The following DPP10 variants were observed in gnomAD, a reference collection of about 807,000 sequenced individuals.
DPP10 encodes inactive dipeptidyl peptidase 10.
A neutral mutation model predicts 120.9 loss-of-function variants in DPP10; 33 were observed. The observed-to-expected ratio is 0.27, with a 90% CI of 0.21 to 0.37. The LOEUF (loss-of-function observed/expected upper bound fraction) is 0.37, where lower values mean the gene tolerates loss of function less well. DPP10 is among the 10% of genes least tolerant of loss of function. The pLI is 1.00. For synonymous variants in DPP10, 337 were observed against 326.1 expected (o/e 1.03, Z -0.36); for missense variants, 816 against 942.8 (o/e 0.87, Z 1.76).
At chr2:114,582,547 A>G (rs1690620375) in intron 1 of DPP10, among the ~76,000 whole-genome samples, 1 of 152,202 alleles carries the variant, frequency 6.6e-6, no homozygotes, top group Non-Finnish European at 1.5e-5. Flanking sequence ...GCCATTCTGT[A>G]TTACCATCAC....
At chr2:115,495,364 T>TCA (rs1246109967) in intron 3 of DPP10, among the ~76,000 whole-genome samples, 1 of 3,524 alleles carries the variant, frequency 2.8e-4, no homozygotes, top group Non-Finnish European at 7.1e-4. Flanking sequence ...AGCCATTTTC[T>TCA]GAAAAAAAAA....
intron 1 of DPP10, among the ~76,000 whole-genome samples, chr2:115,160,356 G>A (rs1054353034): frequency 6.6e-6 from 1 of 152,100 alleles, no homozygotes; most frequent in Admixed American, 6.5e-5. Flanking sequence ...AGGAAGTATC[G>A]TTACAATTAA....
intron 1 of DPP10, among the ~76,000 whole-genome samples, chr2:114,657,550 T>C (rs566167640): frequency 6.6e-6 from 1 of 152,322 alleles, no homozygotes; most frequent in Admixed American, 6.5e-5. Context: ...GTAGTAATAA[T>C]TTAGTTCTTT....
intron 1 of DPP10, among the ~76,000 whole-genome samples, chr2:115,293,338 A>G (rs2060741290): frequency 6.6e-6 from 1 of 151,994 alleles, no homozygotes; most frequent in South Asian, 2.1e-4. Flanking sequence ...ATGTTTCCTT[A>G]TCCATTCATT....
At chr2:114,793,447 T>A (rs1465905012) in intron 1 of DPP10, among the ~76,000 whole-genome samples, 1 of 152,172 alleles carries the variant, frequency 6.6e-6, no homozygotes, top group Non-Finnish European at 1.5e-5. Flanking sequence ...GGTTTCCAGT[T>A]ACATCCATGT....
At chr2:114,907,916 A>C (rs11689468) in intron 1 of DPP10, among the ~76,000 whole-genome samples, 53,859 of 151,836 alleles carry the variant, frequency 0.35, 10,706 homozygotes, top group East Asian at 0.59. Flanking sequence ...TAAAGTTTCC[A>C]ACTACTATTG....
chr2:115,456,401 G>C (rs2073547419), intron 3 of DPP10, among the ~76,000 whole-genome samples: 2 of 152,176 alleles, frequency 1.3e-5, no homozygotes, highest in African/African-American at 4.8e-5. Flanking sequence ...AGACAGTGTG[G>C]TGATTCCTCA....
chr2:115,265,144 C>T (rs1218758329), intron 1 of DPP10, among the ~76,000 whole-genome samples: 1 of 152,024 alleles, frequency 6.6e-6, no homozygotes, highest in African/African-American at 2.4e-5. Flanking sequence ...CAATTCAGAG[C>T]CAACTTCAGA....
At chr2:115,269,755 A>T (rs1273096481) in intron 1 of DPP10, among the ~76,000 whole-genome samples, 5 of 152,286 alleles carry the variant, frequency 3.3e-5, no homozygotes, top group Admixed American at 6.5e-5. Flanking sequence ...GTTTGTAGTA[A>T]GTCAGAAAGT....
intron 3 of DPP10, among the ~76,000 whole-genome samples, chr2:115,379,438 T>C (rs1212577874): frequency 2.0e-5 from 3 of 152,206 alleles, no homozygotes; most frequent in Non-Finnish European, 2.9e-5. Context: ...TTGATTCTTC[T>C]CTCTTTTTTT....
chr2:114,546,140 A>G (rs1687377614), intron 1 of DPP10, among the ~76,000 whole-genome samples: 1 of 152,082 alleles, frequency 6.6e-6, no homozygotes, highest in African/African-American at 2.4e-5. Flanking sequence ...TGATATAAAA[A>G]TACCTGAGAC....
chr2:115,811,911 T>G (rs955873165), intron 19 of DPP10, among the ~76,000 whole-genome samples: 4 of 152,218 alleles, frequency 2.6e-5, no homozygotes, highest in African/African-American at 9.6e-5. Flanking sequence ...CATTTTTAAG[T>G]GTAACTCAAA....
chr2:115,743,635 A>AGAAGCAC (rs1305303767), intron 9 of DPP10, among the ~76,000 whole-genome samples: 38 of 151,464 alleles, frequency 2.5e-4, no homozygotes, highest in Admixed American at 1.2e-3. Flanking sequence ...GGCACTTTAC[A>AGAAGCAC]TAAATCTTTT....
chr2:114,993,845 T>C (rs1700912383), intron 1 of DPP10, among the ~76,000 whole-genome samples: 1 of 152,050 alleles, frequency 6.6e-6, no homozygotes, highest in Admixed American at 6.6e-5. Context: ...GCAATTGTAA[T>C]GCACTATTAT....
chr2:114,520,228 T>A (rs1684941231), intron 1 of DPP10, among the ~76,000 whole-genome samples: 1 of 152,250 alleles, frequency 6.6e-6, no homozygotes, highest in South Asian at 2.1e-4. Context: ...TCAAGGGGAT[T>A]TATGGAGTAA....
intron 5 of DPP10, among the ~76,000 whole-genome samples, chr2:115,549,934 G>A (rs2079769933): frequency 6.6e-6 from 1 of 152,074 alleles, no homozygotes; most frequent in African/African-American, 2.4e-5. Flanking sequence ...CAACTGCAAT[G>A]CCCTTTTTCC....
chr2:115,373,600 A>G (rs2065571385), intron 3 of DPP10, among the ~76,000 whole-genome samples: 2 of 152,108 alleles, frequency 1.3e-5, no homozygotes, highest in Admixed American at 1.3e-4. Context: ...CGAAAAAGGA[A>G]GAATGTTTTC....
At chr2:114,946,781 A>G (rs1482879904) in intron 1 of DPP10, among the ~76,000 whole-genome samples, 1 of 152,040 alleles carries the variant, frequency 6.6e-6, no homozygotes, top group African/African-American at 2.4e-5. Context: ...AAAGGTTTGT[A>G]TCAGGATTAT....
intron 3 of DPP10, among the ~76,000 whole-genome samples, chr2:115,438,111 T>G (rs2071668250): frequency 6.6e-6 from 1 of 151,914 alleles, no homozygotes; most frequent in Admixed American, 6.6e-5. Context: ...TAAAAAATGG[T>G]GAGAGTAAGC....
Sources: gnomAD v4.1 joint callset for allele counts (sites outside exome capture counted in the v4.1 genomes callset) on GRCh38, gnomAD v4.1.1 for gene constraint, MANE v1.5 for transcripts, NCBI Gene and HGNC (gene_info 2026-07-23, HGNC 2026-07-21) for gene names.